The following RTF2 variants were observed in gnomAD, a reference collection of about 807,000 sequenced individuals.
RTF2 encodes UPF0549 protein C20orf43.
A neutral mutation model predicts 38.0 loss-of-function variants in RTF2; 18 were observed. That is an observed-to-expected ratio of 0.47 (90% confidence interval 0.33 to 0.70). The LOEUF (loss-of-function observed/expected upper bound fraction) is 0.70. RTF2 is among the 30% of genes least tolerant of loss of function. The pLI, the probability that RTF2 is intolerant of heterozygous loss-of-function variation, is 0.02. For missense variants in RTF2, 311 were observed against 379.6 expected, an observed-to-expected ratio of 0.82 and a Z score of 1.50; for synonymous variants, 126 against 137.1, an observed-to-expected ratio of 0.92 and a Z score of 0.57.
rs561012316 is a variant in RTF2, at chr20:56,502,811, A to T, written c.478-10504A>T. Among the ~76,000 whole-genome samples, 5 of 152,306 alleles carry T rather than the reference A, an allele frequency of 3.3e-5. No individual in the cohort carries two copies. The South Asian group carries it at 1.0e-3, about 32-fold the overall frequency. On this transcript the variant is annotated intron_variant, in intron 5 of 8. Coordinates refer to ENST00000357348, the MANE Select transcript of RTF2 (RefSeq NM_016407.5). ...GGAGGCTCAATATTGCATTTACCTT[A>T]TTAGGAACCTCATATTTAGCTTCAG...
At chr20:56,511,682 CCT>C (rs1334633563) in intron 5 of RTF2, among the ~76,000 whole-genome samples, 5 of 152,108 alleles carry the variant, frequency 3.3e-5, no homozygotes, top group African/African-American at 1.2e-4. Context: ...GCATCCCTGG[CCT>C]CTACCCACAA....
intron 1 of RTF2, among the ~76,000 whole-genome samples, chr20:56,468,988 T>C (rs2146309293): frequency 6.6e-6 from 1 of 152,318 alleles, no homozygotes; most frequent in East Asian, 1.9e-4. Context: ...AGGGGGTATC[T>C]CATGTAATTA....
chr20:56,514,816 A>G (rs1033963695), intron 6 of RTF2, among the ~76,000 whole-genome samples: 1 of 152,204 alleles, frequency 6.6e-6, no homozygotes, highest in Non-Finnish European at 1.5e-5. Flanking sequence ...CTCTGAATTC[A>G]GATGCGAGTA....
rs73913940 is a variant in RTF2 at position 56,487,729 on chromosome 20, G to A, written c.477+3540G>A. Among the ~76,000 whole-genome samples, 1,284 of 152,324 alleles carry A rather than the reference G, an allele frequency of 8.4e-3. 19 individuals are homozygous for A. The highest frequency in any genetic ancestry group is 0.029 in the African/African-American group (1,226 of 41,574). ...GGAAAGTCATTGTCTTATAGTTCTG[G>A]AGACTAACGTCCAAAATCAAGGTGT... On this transcript the variant is annotated intron_variant, in intron 5 of 8. Transcript: ENST00000357348.
chr20:56,515,871 C>G (rs1985015108), intron 6 of RTF2: 1 of 152,236 alleles, frequency 6.6e-6, no homozygotes, highest in Non-Finnish European at 1.5e-5. Context: ...CTCATAGCTA[C>G]TGCTACCAGG....
intron 5 of RTF2, among the ~76,000 whole-genome samples, chr20:56,488,031 A>G (rs1348610270): frequency 1.3e-5 from 2 of 152,192 alleles, no homozygotes; most frequent in Non-Finnish European, 2.9e-5. Flanking sequence ...AGGGGGGCAT[A>G]ATTCAACCCA....
At chr20:56,493,945 G>T (rs1407158244) in intron 5 of RTF2, among the ~76,000 whole-genome samples, 1 of 152,124 alleles carries the variant, frequency 6.6e-6, no homozygotes, top group Admixed American at 6.5e-5. Context: ...GGTGGCAGGC[G>T]GTTGCTCCCA....
chr20:56,471,843 A>G (rs1981988855), intron 1 of RTF2, among the ~76,000 whole-genome samples: 1 of 152,182 alleles, frequency 6.6e-6, no homozygotes, highest in Non-Finnish European at 1.5e-5. Flanking sequence ...TAACTCATAG[A>G]GTTTTTCTGA....
Position 56,474,717 on chromosome 20 carries a change from C to G in RTF2, c.204C>G (p.Asp68Glu). The change falls in exon 3 of 9, where the codon GAC (aspartate) becomes GAG (glutamate). Residue 68 changes from aspartate to glutamate, a missense_variant. Transcript: ENST00000357348. ...ATGCCGTCATTGAATTTCTCTTGGA[C>G]AAATCTGCAGAAAAGGCTCTTGGGA... ...NKDAVIEFLL[D>E]KSAEKALGKA... 1.2e-6 allele frequency: 2 copies of G among 1,611,832 alleles called. No individual in the cohort carries two copies. The highest frequency in any genetic ancestry group is 1.7e-6 in the Non-Finnish European group (2 of 1,179,232).
chr20:56,512,369 A>G (rs976739968), intron 5 of RTF2, among the ~76,000 whole-genome samples: 1 of 152,312 alleles, frequency 6.6e-6, no homozygotes, highest in East Asian at 1.9e-4. Flanking sequence ...GCAGGGAAGA[A>G]AACAACATAG....
At chr20:56,506,942 C>T (rs1003684725) in intron 5 of RTF2, among the ~76,000 whole-genome samples, 11 of 152,120 alleles carry the variant, frequency 7.2e-5, no homozygotes, top group Non-Finnish European at 1.5e-4. Context: ...CCTCGTGATC[C>T]GCCCGCCTCG....
At chr20:56,478,832 G>T (rs559437127) in intron 4 of RTF2, among the ~76,000 whole-genome samples, 4 of 152,312 alleles carry the variant, frequency 2.6e-5, no homozygotes, top group South Asian at 4.2e-4. Flanking sequence ...TTTACCCACA[G>T]TAGACCTTCT....
intron 4 of RTF2, among the ~76,000 whole-genome samples, chr20:56,481,306 C>T (rs375686812): frequency 3.9e-5 from 6 of 152,168 alleles, no homozygotes; most frequent in African/African-American, 1.4e-4. Flanking sequence ...AACAGGTGTA[C>T]ATGGACACCC....
chr20:56,472,973 AT>A (rs1982049539), intron 1 of RTF2, among the ~76,000 whole-genome samples: 1 of 152,150 alleles, frequency 6.6e-6, no homozygotes, highest in African/African-American at 2.4e-5. Context: ...TCTACAAAAA[AT>A]ACAAAAATTA....
chr20:56,474,289 T>C, intron 2 of RTF2, among the ~76,000 whole-genome samples: 1 of 152,128 alleles, frequency 6.6e-6, no homozygotes, highest in Non-Finnish European at 1.5e-5. Flanking sequence ...GAGACCAGCC[T>C]GGCCAATATG....
intron 5 of RTF2, among the ~76,000 whole-genome samples, chr20:56,491,158 T>G (rs1240504886): frequency 6.6e-6 from 1 of 152,240 alleles, no homozygotes; most frequent in Non-Finnish European, 1.5e-5. Context: ...CAGATAAGCA[T>G]ATTTTCATTT....
chr20:56,517,267 G>GTGAAACCTGGACTC, intron 8 of RTF2, 66 bp downstream of exon 8: 3 of 1,281,226 alleles, frequency 2.3e-6, no homozygotes, highest in Non-Finnish European at 3.4e-6. Context: ...GCCGAGTCCA[G>GTGAAACCTGGACTC]GTTTCACTGG....
intron 3 of RTF2, among the ~76,000 whole-genome samples, chr20:56,476,585 C>A (rs1013459459): frequency 1.3e-5 from 2 of 151,380 alleles, no homozygotes; most frequent in African/African-American, 4.9e-5. Flanking sequence ...CTGCAACCTC[C>A]TCCTCCCGGG....
intron 5 of RTF2, among the ~76,000 whole-genome samples, chr20:56,506,099 C>T (rs903197583): frequency 6.6e-6 from 1 of 152,174 alleles, no homozygotes; most frequent in African/African-American, 2.4e-5. Flanking sequence ...ATCTCATCTC[C>T]TTTTATACTA....
Sources: gnomAD v4.1 joint callset for allele counts (sites outside exome capture counted in the v4.1 genomes callset) on GRCh38, gnomAD v4.1.1 for gene constraint, MANE v1.5 for transcripts, NCBI Gene and HGNC (gene_info 2026-07-23, HGNC 2026-07-21) for gene names.